ITPR3: variants seen among roughly 807,000 people sequenced by gnomAD.
ITPR3 encodes inositol 1,4,5-trisphosphate receptor type 3.
Under a neutral mutation model 293.2 loss-of-function variants are expected in ITPR3, and 173 were observed. The ratio of observed to expected loss-of-function variants is 0.59; its 90% confidence interval spans 0.52 to 0.67. The LOEUF is 0.67. ITPR3 is among the 30% of genes least tolerant of loss of function. ITPR3 has a pLI of 0.00. For synonymous variants in ITPR3, 1,295 were observed against 1,444.4 expected, an observed-to-expected ratio of 0.90 and a Z score of 2.35; for missense variants, 2,796 against 3,592.1, an observed-to-expected ratio of 0.78 and a Z score of 5.66.
In ITPR3 at chr6:33,670,784, C is replaced by G; in HGVS notation, c.2555C>G (p.Ala852Gly). The G allele has an allele frequency of 6.2e-7, 1 of 1,614,028 alleles. No homozygotes were observed. Among genetic ancestry groups the G allele is most frequent in the Non-Finnish European group, 8.5e-7 (1 of 1,180,026 alleles). Residue 852 changes from alanine to glycine, a missense_variant, in exon 20 of 58, where the codon GCC becomes GGC. By Grantham distance (60) the Ala-to-Gly change is moderately conservative. Transcript: ENST00000605930. The surrounding 1 kb of genome is among the most constrained non-coding windows in gnomAD (Gnocchi z 6.7). ...GTAGTCAGCGAGGCCGTGCCCTTTG[C>G]CAACGAGGAGAAGAACAAGCTCACT... ...NNVVSEAVPF[A>G]NEEKNKLTFE...
In ITPR3 at chr6:33,659,555, G is replaced by A. The variant is rs751335675; in HGVS notation, c.711+6G>A. On this transcript the variant is annotated splice_donor_region_variant and intron_variant, in intron 7 of 57. Transcript: ENST00000605930. ...TGGAGGAGGTGTTGAAAGGGGTAAG[G>A]ACTGGGAACCCCTGCCCTGCCCAGC... is the stretch of plus-strand genomic sequence containing the variant. 23 of 1,611,014 alleles carry A rather than the reference G, an allele frequency of 1.4e-5. No homozygotes were observed. The highest frequency in any genetic ancestry group is 6.6e-5 in the South Asian group (6 of 91,000).
intron 1 of ITPR3, among the ~76,000 whole-genome samples, chr6:33,630,095 A>G (rs915448459): frequency 6.6e-6 from 1 of 152,118 alleles, no homozygotes; most frequent in Non-Finnish European, 1.5e-5. Flanking sequence ...GTCAAAAAAA[A>G]AGAAAAACCA....
Position 33,688,143 on chromosome 6 carries a change from T to C in ITPR3, c.6351T>C (p.Tyr2117=), listed in dbSNP as rs767015406. The change falls in exon 47 of 58, where the codon TAT becomes TAC. Residue 2117 remains tyrosine, a synonymous_variant. Coordinates refer to ENST00000605930, the MANE Select transcript of ITPR3 (RefSeq NM_002224.4). Reference sequence around the variant, plus strand: ...AGGAGGAAGACCCCCTGGCCTACTATGAGAACCACACGTCCCAGATCGAGG... The same window carrying C: ...AGGAGGAAGACCCCCTGGCCTACTACGAGAACCACACGTCCCAGATCGAGG... ...QEEEEDPLAY[Y]ENHTSQIEIV... is the part of the protein sequence containing the mutation. 1 of 1,614,034 alleles carries C rather than the reference T, an allele frequency of 6.2e-7. No homozygotes were observed. Among genetic ancestry groups the C allele is most frequent in the Non-Finnish European group, 8.5e-7 (1 of 1,179,990 alleles).
chr6:33,694,916 T>A lies in ITPR3; in HGVS notation c.7786-8T>A. ...ACGCCTGCTTAACCCACTGGTGATG[T>A]TTTTCAGAACAAGAACCTGGACTGG... On this transcript the variant is annotated splice_polypyrimidine_tract_variant and splice_region_variant and intron_variant, in intron 56 of 57. Transcript: ENST00000605930. The A allele has an allele frequency of 6.2e-7, 1 of 1,613,936 alleles. No homozygotes were observed. The highest frequency in any genetic ancestry group is 1.3e-5 in the African/African-American group (1 of 75,002).
rs550178041 is a variant in ITPR3 at position 33,677,729 on chromosome 6, C to A, written c.3648+100C>A. On this transcript the variant is annotated intron_variant, in intron 28 of 57. Coordinates refer to ENST00000605930, the MANE Select transcript of ITPR3 (RefSeq NM_002224.4). ...CCTAATGCAGGCAACCTCTCCCAGC[C>A]TCGCCTGGCCTCTTACACTGCCCTG... 2.4e-4 allele frequency: 337 copies of A among 1,408,434 alleles called. No individual in the cohort carries two copies. In the African/African-American group the frequency reaches 4.2e-3, roughly 18 times the overall value. 87.2% of individuals were successfully genotyped at this position (1,408,434 alleles called of 1,614,324 possible).
At chr6:33,636,330 C>T (rs1763823801) in intron 1 of ITPR3, among the ~76,000 whole-genome samples, 2 of 151,616 alleles carry the variant, frequency 1.3e-5, no homozygotes, top group African/African-American at 2.4e-5. Flanking sequence ...AGGGATCCCC[C>T]TGCTTCTGTG....
In ITPR3 at chr6:33,680,437, A is replaced by C. The variant is rs758396424; in HGVS notation, c.4333A>C (p.Thr1445Pro). ...NHIWTLFENFTLDMARVCSKR... is the reference protein window; with the variant it reads ...NHIWTLFENFPLDMARVCSKR... ...CATCTGGACGCTCTTTGAGAACTTC[A>C]CCCTGGACATGGCCCGGGTCTGTCC... The change falls in exon 32 of 58, where the codon ACC becomes CCC. Residue 1445 changes from threonine to proline, a missense_variant. Thr to Pro is a conservative substitution (Grantham distance 38). This residue lies in a region of ITPR3 where 344 missense variants were observed against 460.3 expected (regional missense o/e 0.75). Coordinates refer to ENST00000605930, the MANE Select transcript of ITPR3 (RefSeq NM_002224.4). 3 of 1,613,476 alleles carry C rather than the reference A, an allele frequency of 1.9e-6. No homozygotes were observed. Among genetic ancestry groups the C allele is most frequent in the Non-Finnish European group, 2.5e-6 (3 of 1,180,014 alleles).
chr6:33,648,886 G>A (rs941545523), intron 2 of ITPR3, among the ~76,000 whole-genome samples: 7 of 150,478 alleles, frequency 4.7e-5, no homozygotes, highest in African/African-American at 1.2e-4. Context: ...GAGCCACCAC[G>A]CCCAGGCTGC....
At chr6:33,665,729 C>CA in intron 13 of ITPR3, 106 bp from the exon 14 acceptor site, 1 of 1,290,358 alleles carries the variant, frequency 7.7e-7, no homozygotes, top group South Asian at 1.3e-5. Flanking sequence ...TTGGGGGCCG[C>CA]TGAGTGAACT....
chr6:33,691,690 CA>C lies in ITPR3; in HGVS notation c.7302del (p.Leu2436SerfsTer24), dbSNP rs1367894406. The C allele has an allele frequency of 6.2e-6, 10 of 1,613,924 alleles. No homozygotes were observed. Among genetic ancestry groups the C allele is most frequent in the African/African-American group, 1.3e-5 (1 of 74,872 alleles). On this transcript the variant is annotated frameshift_variant, in exon 53 of 58. Coordinates refer to ENST00000605930, the MANE Select transcript of ITPR3 (RefSeq NM_002224.4). LOFTEE classifies it high-confidence loss of function. This position sits in a 1 kb window ranked among gnomAD's most constrained non-coding sequence, Gnocchi z 4.9. ...AGTGGGGACAAGATGGACTGTGTCTCAGGGCTCTCGGTGCCTGAGGTCCTGG... is the reference window on the plus strand; with the variant it reads ...AGTGGGGACAAGATGGACTGTGTCTCGGGCTCTCGGTGCCTGAGGTCCTGG... ...TCSGDKMDCV[S>X]GLSVPEVLEE... is the part of the protein sequence containing the mutation.
At position 33,680,600 on chromosome 6, in the gene ITPR3, A is replaced by C. The variant is rs778215463; in HGVS notation, c.4396A>C (p.Lys1466Gln). Residue 1466 changes from lysine (K) to glutamine (Q), a missense_variant, in exon 33 of 58, where the codon AAG becomes CAG. Transcript: ENST00000605930. ...GCGCGTGGCTGACCCCACCTTGGAGAAGTACGTGCTGAGCGTTGTGCTGGA... is the reference window on the plus strand; with the variant it reads ...GCGCGTGGCTGACCCCACCTTGGAGCAGTACGTGCTGAGCGTTGTGCTGGA... ...EKRVADPTLE[K>Q]YVLSVVLDTI... 6.2e-7 allele frequency: 1 copy of C among 1,613,902 alleles called. No homozygotes were observed. Among genetic ancestry groups the C allele is most frequent in the Non-Finnish European group, 8.5e-7 (1 of 1,179,988 alleles).
chr6:33,630,389 G>T (rs1263863317), intron 1 of ITPR3, among the ~76,000 whole-genome samples: 3 of 152,226 alleles, frequency 2.0e-5, no homozygotes, highest in Non-Finnish European at 4.4e-5. Flanking sequence ...TGTCAAGTGA[G>T]AAAGACTGAG....
chr6:33,668,235 T>C (rs1007653407), intron 16 of ITPR3, among the ~76,000 whole-genome samples: 1 of 152,198 alleles, frequency 6.6e-6, no homozygotes, highest in African/African-American at 2.4e-5. Context: ...AGAACCTGTA[T>C]TGAACCAGTT....
At chr6:33,686,868 CG>C in intron 43 of ITPR3, 140 bp from the exon 44 acceptor site, 7 of 700,924 alleles carry the variant, frequency 1.0e-5, no homozygotes, top group Admixed American at 4.9e-5. Context: ...CTCATTAAGC[CG>C]GGGGGAGGGA....
Position 33,668,539 on chromosome 6 carries a change from G to C in ITPR3, c.1911G>C (p.Leu637=), listed in dbSNP as rs746713292. ...EPRFLDYLSD[L]CVSNHIAIPV... The stretch of plus-strand genomic sequence containing the variant: ...GGTTCCTGGACTACCTCTCTGACCT[G>C]TGTGTGTCCAACCACATCGCCATCC... Residue 637 remains leucine (L), a synonymous_variant, in exon 17 of 58, where the codon CTG becomes CTC. Transcript: ENST00000605930. 7.4e-6 allele frequency: 12 copies of C among 1,614,180 alleles called. No homozygotes were observed. The South Asian group carries it at 1.3e-4, about 18-fold the overall frequency.
chr6:33,671,799 C>T (rs915399507), intron 21 of ITPR3, among the ~76,000 whole-genome samples: 1 of 152,138 alleles, frequency 6.6e-6, no homozygotes, highest in Non-Finnish European at 1.5e-5. Flanking sequence ...CAGTCATCTC[C>T]CCACACAGCT....
Position 33,680,667 on chromosome 6 carries a change from G to T in ITPR3, c.4463G>T (p.Ser1488Ile). The change falls in exon 33 of 58, where the codon AGC becomes ATC. Residue 1488 changes from serine (S) to isoleucine (I), a missense_variant. Around this residue, in one of 8 missense-constraint regions of ITPR3, gnomAD observed 704 missense variants for 797.5 expected, o/e 0.88. Coordinates refer to ENST00000605930, the MANE Select transcript of ITPR3 (RefSeq NM_002224.4). ...TTCAGCTCCCCATTCTCTGAGAACAGCACTTCCCTGCAGGTGAGCTTCTCC... is the reference window on the plus strand; with the variant it reads ...TTCAGCTCCCCATTCTCTGAGAACATCACTTCCCTGCAGGTGAGCTTCTCC... ...AFFSSPFSEN[S>I]TSLQTHQTIV... 6.2e-7 allele frequency: 1 copy of T among 1,613,246 alleles called. No individual in the cohort carries two copies. Among genetic ancestry groups the T allele is most frequent in the Non-Finnish European group, 8.5e-7 (1 of 1,179,248 alleles).
chr6:33,662,628 A>G lies in ITPR3; in HGVS notation c.812A>G (p.Gln271Arg), dbSNP rs745481571. ...LQVFLRTTLR[Q>R]SATSATSSNA... ...GTGTTCCTGCGAACTACACTGCGCC[A>G]GTCTGCCACCTCGGCCACCAGCTCC... The change falls in exon 8 of 58, where the codon CAG (glutamine) becomes CGG (arginine). Residue 271 changes from glutamine (Q) to arginine (R), a missense_variant. By Grantham distance (43) the Gln-to-Arg change is conservative. Around this residue, in one of 8 missense-constraint regions of ITPR3, gnomAD observed 955 missense variants for 1,180.8 expected, o/e 0.81. Transcript: ENST00000605930. 3 of 1,611,382 alleles carry G rather than the reference A, an allele frequency of 1.9e-6. No individual in the cohort carries two copies. The highest frequency in any genetic ancestry group is 1.7e-4 in the Middle Eastern group (1 of 6,060).
rs1166788826 is a variant in ITPR3 at position 33,693,663 on chromosome 6, C to T, written c.7743C>T (p.Thr2581=). ...FIVLVRVKNK[T]DYTGPESYVA... is the part of the protein sequence containing the mutation. ...TGCTGGTCCGCGTGAAGAACAAGACCGACTACACGGGCCCTGAGAGCTACG... is the reference window on the plus strand; with the variant it reads ...TGCTGGTCCGCGTGAAGAACAAGACTGACTACACGGGCCCTGAGAGCTACG... Residue 2581 remains threonine (T), a synonymous_variant, in exon 56 of 58, where the codon ACC becomes ACT. Coordinates refer to ENST00000605930, the MANE Select transcript of ITPR3 (RefSeq NM_002224.4). The T allele has an allele frequency of 1.5e-5, 24 of 1,614,074 alleles. No homozygotes were observed. The highest frequency in any genetic ancestry group is 1.1e-4 in the South Asian group (10 of 91,088).
Sources: gnomAD v4.1 joint callset for allele counts (sites outside exome capture counted in the v4.1 genomes callset) on GRCh38, gnomAD v4.1.1 for gene constraint, gnomAD v4.1.1 regional missense constraint, Gnocchi (gnomAD v3.1) non-coding constraint, MANE v1.5 for transcripts, NCBI Gene and HGNC (gene_info 2026-07-23, HGNC 2026-07-21) for gene names.